Variants in SORCS1 observed in about 807,000 individuals in gnomAD.
The protein encoded by SORCS1 is sortilin related VPS10 domain containing receptor 1.
A neutral mutation model predicts 146.1 loss-of-function variants in SORCS1; 60 were observed. The ratio of observed to expected loss-of-function variants is 0.41; its 90% CI spans 0.33 to 0.51. SORCS1 has a LOEUF of 0.51. SORCS1 is among the 20% of genes least tolerant of loss of function. The pLI is 0.21. For synonymous variants in SORCS1, 637 were observed against 584.0 expected (o/e 1.09, Z -1.31); for missense variants, 1,352 against 1,487.6 (o/e 0.91, Z 1.50).
intron 9 of SORCS1, among the ~76,000 whole-genome samples, chr10:106,695,977 A>T (rs1417519423): frequency 6.6e-6 from 1 of 152,206 alleles, no homozygotes; most frequent in African/African-American, 2.4e-5. Flanking sequence ...CTTAATTTTA[A>T]TGAGCACAGT....
intron 1 of SORCS1, among the ~76,000 whole-genome samples, chr10:107,015,943 T>C (rs1957878362): frequency 6.6e-6 from 1 of 151,746 alleles, no homozygotes; most frequent in South Asian, 2.1e-4. Context: ...ATTTCACCTG[T>C]GTAATCAAAA....
intron 1 of SORCS1, among the ~76,000 whole-genome samples, chr10:107,068,038 C>G (rs987702514): frequency 6.6e-6 from 1 of 152,094 alleles, no homozygotes; most frequent in African/African-American, 2.4e-5. Context: ...TTTGTTAGCC[C>G]TCTTAAGACT....
At chr10:107,168,666 CTTTT>C (rs57998261), upstream of SORCS1, among the ~76,000 whole-genome samples, 12,156 of 119,154 alleles carry the variant, frequency 0.1, 565 homozygotes, top group African/African-American at 0.14. Context: ...CAGCTCATGC[CTTTT>C]TTTTTTTTTT....
At chr10:106,995,596 TA>T (rs2139546993) in intron 1 of SORCS1, among the ~76,000 whole-genome samples, 1 of 152,290 alleles carries the variant, frequency 6.6e-6, no homozygotes, top group East Asian at 1.9e-4. Context: ...TACATGTTCA[TA>T]AAAGTTATCC....
intron 1 of SORCS1, among the ~76,000 whole-genome samples, chr10:107,097,824 T>G (rs1434607673): frequency 6.6e-6 from 1 of 152,170 alleles, no homozygotes; most frequent in Non-Finnish European, 1.5e-5. Flanking sequence ...CTTCATTAAG[T>G]TATCTTTAAT....
chr10:106,937,972 G>GA (rs76116094), intron 2 of SORCS1, among the ~76,000 whole-genome samples: 95 of 129,160 alleles, frequency 7.4e-4, no homozygotes, highest in East Asian at 3.9e-3. Flanking sequence ...TCAAAAAGAA[G>GA]AAAAAAAAAA....
intron 1 of SORCS1, among the ~76,000 whole-genome samples, chr10:107,077,791 T>C (rs930786734): frequency 6.6e-6 from 1 of 152,040 alleles, no homozygotes. Flanking sequence ...CCAGAAAATC[T>C]ACTCTAAATA....
intron 2 of SORCS1, among the ~76,000 whole-genome samples, chr10:106,926,826 TATACACACACACACACACAC>T (rs1421626037): frequency 9.3e-5 from 13 of 140,224 alleles, no homozygotes; most frequent in South Asian, 2.3e-4. Context: ...AAGGAATATA[TATACACACACACACACACAC>T]ACACACACAC....
chr10:106,957,293 C>G (rs1451160749), intron 1 of SORCS1, among the ~76,000 whole-genome samples: 1 of 151,844 alleles, frequency 6.6e-6, no homozygotes, highest in East Asian at 1.9e-4. Flanking sequence ...CCTGCCTCAG[C>G]CTCCCGAGTA....
chr10:107,177,864 G>A, the SORCS1 span, among the ~76,000 whole-genome samples: 1 of 152,120 alleles, frequency 6.6e-6, no homozygotes, highest in Non-Finnish European at 1.5e-5. Context: ...CATGGATGGA[G>A]CTGAAAGCCA....
At chr10:106,750,313 C>G (rs13376814) in intron 5 of SORCS1, among the ~76,000 whole-genome samples, 31,003 of 151,804 alleles carry the variant, frequency 0.2, 3,756 homozygotes, top group East Asian at 0.48. Context: ...AGATAAGGAT[C>G]ACAGGAATCA....
Position 107,147,239 on chromosome 10 carries a change from C to T in SORCS1, c.558+16730G>A, listed in dbSNP as rs113728130. ...TCCTTCTCATAATGCAATATGTCCT[C>T]GTCATTTTTCAAACGTTCTTGCCCT... On this transcript the variant is annotated intron_variant, in intron 1 of 25. Coordinates refer to ENST00000263054, the MANE Select transcript of SORCS1 (RefSeq NM_052918.5). Among the ~76,000 whole-genome samples the T allele has an allele frequency of 4.8e-3, 732 of 152,292 alleles. 8 individuals are homozygous for T. Among genetic ancestry groups the T allele is most frequent in the African/African-American group, 0.016 (681 of 41,558 alleles).
At chr10:106,684,480 T>C (rs1852674769) in intron 10 of SORCS1, among the ~76,000 whole-genome samples, 1 of 152,172 alleles carries the variant, frequency 6.6e-6, no homozygotes. Flanking sequence ...GGGAGCCCAA[T>C]CCTGAGGCAT....
At chr10:106,981,748 A>G (rs1956254051) in intron 1 of SORCS1, among the ~76,000 whole-genome samples, 1 of 152,192 alleles carries the variant, frequency 6.6e-6, no homozygotes, top group Non-Finnish European at 1.5e-5. Context: ...CAAAAGAAGA[A>G]AGCAGGACAA....
intron 2 of SORCS1, among the ~76,000 whole-genome samples, chr10:106,904,481 T>C (rs916942114): frequency 6.6e-6 from 1 of 151,818 alleles, no homozygotes; most frequent in Non-Finnish European, 1.5e-5. Flanking sequence ...GGGAAAAAAA[T>C]CACAGCTCTG....
At chr10:106,855,370 C>T (rs1251473656) in intron 2 of SORCS1, among the ~76,000 whole-genome samples, 2 of 152,024 alleles carry the variant, frequency 1.3e-5, no homozygotes, top group Non-Finnish European at 2.9e-5. Flanking sequence ...GTGGTTGTTG[C>T]TTTGTTTTTT....
intron 1 of SORCS1, among the ~76,000 whole-genome samples, chr10:107,094,419 TTC>T (rs1245262967): frequency 2.6e-5 from 4 of 152,190 alleles, no homozygotes; most frequent in Non-Finnish European, 5.9e-5. Flanking sequence ...GAAATCATAT[TTC>T]TGTTTCACAA....
chr10:107,050,037 G>T lies in SORCS1; in HGVS notation c.559-93457C>A, dbSNP rs189859002. Among the ~76,000 whole-genome samples the T allele has an allele frequency of 3.3e-3, 499 of 152,316 alleles. 5 individuals are homozygous for T. Among genetic ancestry groups the T allele is most frequent in the Non-Finnish European group, 4.8e-3 (327 of 68,016 alleles). Reference sequence around the variant, plus strand: ...CCACAAGTGTACATGCATATTCCAAGTGTTTCAAGGAATCTGGCCCACTAA... The same window carrying T: ...CCACAAGTGTACATGCATATTCCAATTGTTTCAAGGAATCTGGCCCACTAA... On this transcript the variant is annotated intron_variant, in intron 1 of 25. Coordinates refer to ENST00000263054, the MANE Select transcript of SORCS1 (RefSeq NM_052918.5).
intron 1 of SORCS1, among the ~76,000 whole-genome samples, chr10:107,025,455 G>A (rs1456947913): frequency 6.6e-6 from 1 of 152,170 alleles, no homozygotes; most frequent in Non-Finnish European, 1.5e-5. Context: ...TGGAAGCCTG[G>A]ACATGAAATA....
Sources: allele counts gnomAD v4.1 joint callset (sites outside exome capture counted in the v4.1 genomes callset), GRCh38; gene constraint gnomAD v4.1.1; transcripts MANE v1.5; gene names NCBI Gene and HGNC (gene_info 2026-07-23, HGNC 2026-07-21).